The following KHDRBS2 variants were observed in gnomAD, a reference collection of about 807,000 sequenced individuals.
The protein encoded by KHDRBS2 is KH RNA binding domain containing, signal transduction associated 2.
A neutral mutation model predicts 44.3 loss-of-function variants in KHDRBS2; 26 were observed. That is an observed-to-expected ratio of 0.59 (90% CI 0.43 to 0.81). The LOEUF (loss-of-function observed/expected upper bound fraction) is 0.81, where lower values mean the gene tolerates loss of function less well. KHDRBS2 is among the 40% of genes least tolerant of loss of function. The pLI, the probability that KHDRBS2 is intolerant of heterozygous loss-of-function variation, is 0.00. For synonymous variants in KHDRBS2, 194 were observed against 151.1 expected, an observed-to-expected ratio of 1.28 and a Z score of -2.08; for missense variants, 476 against 433.1, an observed-to-expected ratio of 1.10 and a Z score of -0.88.
intron 6 of KHDRBS2, among the ~76,000 whole-genome samples, chr6:61,883,724 T>C (rs1278720375): frequency 6.6e-6 from 1 of 152,082 alleles, no homozygotes; most frequent in Non-Finnish European, 1.5e-5. Context: ...TAGTATTATG[T>C]CCGTCCTATA....
chr6:61,659,419 A>G, the KHDRBS2 span, among the ~76,000 whole-genome samples: 1 of 151,770 alleles, frequency 6.6e-6, no homozygotes, highest in South Asian at 2.1e-4. Context: ...TAACCTATGA[A>G]CCAATTTAGG....
the KHDRBS2 span, among the ~76,000 whole-genome samples, chr6:61,551,108 T>A: frequency 1.0e-3 from 158 of 152,260 alleles, no homozygotes; most frequent in African/African-American, 3.7e-3. Flanking sequence ...GATTTGTATT[T>A]CTTTAATGGT....
At chr6:61,826,285 C>G (rs531813853) in intron 6 of KHDRBS2, among the ~76,000 whole-genome samples, 19 of 152,118 alleles carry the variant, frequency 1.2e-4, no homozygotes, top group Non-Finnish European at 2.1e-4. Flanking sequence ...CTCTTAACAC[C>G]TGGCTTTCTC....
chr6:61,595,493 A>G, the KHDRBS2 span, among the ~76,000 whole-genome samples: 1 of 152,092 alleles, frequency 6.6e-6, no homozygotes, highest in Non-Finnish European at 1.5e-5. Context: ...ACAAACACAC[A>G]TCTTCATGCA....
At chr6:62,078,575 C>T (rs1405766283) in intron 2 of KHDRBS2, among the ~76,000 whole-genome samples, 2 of 151,714 alleles carry the variant, frequency 1.3e-5, no homozygotes, top group Admixed American at 6.6e-5. Context: ...TTTATAATTT[C>T]ATCTGTATTA....
intron 1 of KHDRBS2, among the ~76,000 whole-genome samples, chr6:62,208,561 T>C (rs1828443322): frequency 6.6e-6 from 1 of 152,222 alleles, no homozygotes; most frequent in Non-Finnish European, 1.5e-5. Context: ...GATACCTTTA[T>C]GAGGTGGTTA....
At chr6:61,656,837 C>A in the KHDRBS2 span, among the ~76,000 whole-genome samples, 1 of 151,898 alleles carries the variant, frequency 6.6e-6, no homozygotes, top group African/African-American at 2.4e-5. Context: ...TGAAACATTC[C>A]TAAAACAGAA....
chr6:61,766,612 C>G (rs116302446), intron 6 of KHDRBS2, among the ~76,000 whole-genome samples: 2 of 151,842 alleles, frequency 1.3e-5, no homozygotes, highest in African/African-American at 4.8e-5. Context: ...ATGAACTTCC[C>G]TCTTAGTACT....
intron 4 of KHDRBS2, among the ~76,000 whole-genome samples, chr6:61,928,919 T>C (rs934133579): frequency 4.6e-5 from 7 of 152,136 alleles, no homozygotes; most frequent in Admixed American, 1.3e-4. Flanking sequence ...CCTTTTCCAT[T>C]GTTATCATTA....
intron 2 of KHDRBS2, among the ~76,000 whole-genome samples, chr6:62,081,733 C>G (rs926393222): frequency 2.0e-5 from 3 of 151,700 alleles, no homozygotes; most frequent in Non-Finnish European, 4.4e-5. Flanking sequence ...TTAAATTGTT[C>G]CTTTGTATTG....
At chr6:62,220,916 T>C (rs1358222914) in intron 1 of KHDRBS2, among the ~76,000 whole-genome samples, 1 of 151,914 alleles carries the variant, frequency 6.6e-6, no homozygotes, top group East Asian at 1.9e-4. Context: ...TAATTTACTG[T>C]TTATAAAGGA....
chr6:62,110,942 CAT>C (rs567612878), intron 2 of KHDRBS2, among the ~76,000 whole-genome samples: 230 of 152,056 alleles, frequency 1.5e-3, no homozygotes, highest in African/African-American at 4.9e-3. Flanking sequence ...AACTAGCACT[CAT>C]GTGTTAAAAT....
At chr6:62,075,528 G>A (rs891237081) in intron 2 of KHDRBS2, among the ~76,000 whole-genome samples, 7 of 151,932 alleles carry the variant, frequency 4.6e-5, no homozygotes, top group African/African-American at 1.4e-4. Flanking sequence ...GAAAAACCAA[G>A]TGGGAAGATG....
intron 6 of KHDRBS2, among the ~76,000 whole-genome samples, chr6:61,743,282 T>C (rs1776403797): frequency 6.6e-6 from 1 of 152,132 alleles, no homozygotes; most frequent in African/African-American, 2.4e-5. Flanking sequence ...ATCAAGCCTA[T>C]ATGGCATGTT....
intron 4 of KHDRBS2, among the ~76,000 whole-genome samples, chr6:61,951,628 C>T (rs1351350760): frequency 1.3e-5 from 2 of 151,988 alleles, no homozygotes; most frequent in Non-Finnish European, 2.9e-5. Flanking sequence ...ATTAGACACA[C>T]AGTAAAGGTA....
intron 2 of KHDRBS2, among the ~76,000 whole-genome samples, chr6:62,080,885 T>A (rs951498385): frequency 2.0e-5 from 3 of 152,110 alleles, no homozygotes; most frequent in African/African-American, 7.2e-5. Context: ...TCCTCTATTA[T>A]TAGAGTATAC....
At chr6:61,963,634 A>G (rs1380907624) in intron 4 of KHDRBS2, among the ~76,000 whole-genome samples, 1 of 152,066 alleles carries the variant, frequency 6.6e-6, no homozygotes, top group Non-Finnish European at 1.5e-5. Context: ...ACTCTGTGAA[A>G]TAAGTGTTCC....
intron 1 of KHDRBS2, among the ~76,000 whole-genome samples, chr6:62,241,915 T>C (rs1834748714): frequency 6.6e-6 from 1 of 152,174 alleles, no homozygotes. Context: ...TGGTGTTCTT[T>C]TTTTGGAAGT....
At chr6:62,109,184 G>C (rs956897884) in intron 2 of KHDRBS2, among the ~76,000 whole-genome samples, 3 of 151,278 alleles carry the variant, frequency 2.0e-5, no homozygotes, top group Non-Finnish European at 4.4e-5. Context: ...TTTACAATTT[G>C]AAAAATAGGC....
Sources: allele counts gnomAD v4.1 joint callset (sites outside exome capture counted in the v4.1 genomes callset), GRCh38; gene constraint gnomAD v4.1.1; transcripts MANE v1.5; gene names NCBI Gene and HGNC (gene_info 2026-07-23, HGNC 2026-07-21).